The following CAMK2D variants were observed in gnomAD, a reference collection of about 807,000 sequenced individuals.
CAMK2D encodes calcium/calmodulin-dependent protein kinase type II subunit delta.
In CAMK2D, 37 loss-of-function variants were observed where a neutral mutation model predicts 84.0. The observed-to-expected ratio is 0.44, with a 90% CI of 0.34 to 0.58. The LOEUF (loss-of-function observed/expected upper bound fraction) is 0.58, where lower values mean the gene tolerates loss of function less well. Ranked by LOEUF, CAMK2D falls within the 20% of genes least tolerant of loss-of-function variation. The pLI, the probability that CAMK2D is intolerant of heterozygous loss-of-function variation, is 0.02. For synonymous variants in CAMK2D, 202 were observed against 212.5 expected (o/e 0.95, Z 0.43); for missense variants, 448 against 652.5 (o/e 0.69, Z 3.41).
intron 2 of CAMK2D, among the ~76,000 whole-genome samples, chr4:113,717,555 T>C (rs2099517399): frequency 6.6e-6 from 1 of 152,052 alleles, no homozygotes. Flanking sequence ...AAAAATAAAA[T>C]CTTTATCTCC....
chr4:113,634,499 A>C (rs1592254348), intron 3 of CAMK2D, among the ~76,000 whole-genome samples: 1 of 152,214 alleles, frequency 6.6e-6, no homozygotes, highest in East Asian at 1.9e-4. Flanking sequence ...GGAGAGGGAA[A>C]AAGCATTATT....
At chr4:113,495,833 T>G (rs776334684) in intron 16 of CAMK2D, among the ~76,000 whole-genome samples, 1 of 152,030 alleles carries the variant, frequency 6.6e-6, no homozygotes, top group African/African-American at 2.4e-5. Context: ...CAGCAAGAGA[T>G]CCAAGCTCGT....
At chr4:113,546,118 T>A (rs1325319142) in intron 6 of CAMK2D, among the ~76,000 whole-genome samples, 1 of 152,206 alleles carries the variant, frequency 6.6e-6, no homozygotes, top group African/African-American at 2.4e-5. Flanking sequence ...AGTCCACTTA[T>A]GGTTATATAA....
rs112811482 is a variant in CAMK2D at position 113,621,182 on chromosome 4, A to G, written c.221-11976T>C. Among the ~76,000 whole-genome samples, 741 of 152,290 alleles carry G rather than the reference A, an allele frequency of 4.9e-3. 6 individuals are homozygous for G. Among genetic ancestry groups the G allele is most frequent in the African/African-American group, 0.016 (657 of 41,560 alleles). On this transcript the variant is annotated intron_variant, in intron 3 of 20. Transcript: ENST00000511664. ...ATATGTCCTGTATTTATAGCATCTGAATTATTTAGAGAACAATCAATAGTT... is the reference window on the plus strand; with the variant it reads ...ATATGTCCTGTATTTATAGCATCTGGATTATTTAGAGAACAATCAATAGTT...
At chr4:113,598,551 A>C (rs1269569034) in intron 4 of CAMK2D, among the ~76,000 whole-genome samples, 1 of 152,228 alleles carries the variant, frequency 6.6e-6, no homozygotes, top group Non-Finnish European at 1.5e-5. Context: ...AAAAACTTAA[A>C]CTTAAAAACT....
intron 4 of CAMK2D, among the ~76,000 whole-genome samples, chr4:113,562,505 C>T (rs964664481): frequency 2.6e-5 from 4 of 152,142 alleles, no homozygotes; most frequent in African/African-American, 9.7e-5. Flanking sequence ...GACAGCTTAT[C>T]ATCTGTCAAA....
At chr4:113,661,648 T>C (rs2099232628) in intron 3 of CAMK2D, 65 bp downstream of exon 3, 2 of 691,696 alleles carry the variant, frequency 2.9e-6, no homozygotes, top group Non-Finnish European at 4.7e-6. Context: ...ATTAGCATTT[T>C]TATTGTGGTA....
At chr4:113,562,090 T>G (rs1438308621) in intron 4 of CAMK2D, among the ~76,000 whole-genome samples, 2 of 152,168 alleles carry the variant, frequency 1.3e-5, no homozygotes, top group African/African-American at 4.8e-5. Flanking sequence ...TTCAATGAAT[T>G]AAAAGAAAAA....
Position 113,549,466 on chromosome 4 carries a change from A to C in CAMK2D, c.342-1750T>G, listed in dbSNP as rs2098607773. ...CACTTCCATACACTTCAGTGAAGAA[A>C]AACTTTTGCTTCATACTATATCAAA... On this transcript the variant is annotated intron_variant, in intron 5 of 20. Transcript: ENST00000511664. Among the ~76,000 whole-genome samples, 4 of 152,204 alleles carry C rather than the reference A, an allele frequency of 2.6e-5. No homozygotes were observed. The South Asian group carries it at 8.3e-4, about 31-fold the overall frequency.
At chr4:113,529,136 C>T (rs974120316) in intron 8 of CAMK2D, among the ~76,000 whole-genome samples, 2 of 152,166 alleles carry the variant, frequency 1.3e-5, no homozygotes, top group Non-Finnish European at 2.9e-5. Context: ...ATTAAAGAGA[C>T]TGGGTTAGTA....
intron 8 of CAMK2D, among the ~76,000 whole-genome samples, chr4:113,521,028 CA>C (rs541654278): frequency 5.3e-4 from 81 of 152,244 alleles, no homozygotes; most frequent in Admixed American, 8.5e-4. Flanking sequence ...GACTCACAAA[CA>C]AACAAACAAA....
chr4:113,484,966 A>G (rs2097751585), intron 16 of CAMK2D, among the ~76,000 whole-genome samples: 1 of 152,240 alleles, frequency 6.6e-6, no homozygotes, highest in African/African-American at 2.4e-5. Context: ...ATATTATTAA[A>G]TGCATACGAT....
intron 4 of CAMK2D, among the ~76,000 whole-genome samples, chr4:113,553,633 C>T (rs2098644893): frequency 6.6e-6 from 1 of 152,064 alleles, no homozygotes; most frequent in African/African-American, 2.4e-5. Context: ...TTCTGGATAC[C>T]TCAAAGTCCT....
At chr4:113,555,805 A>G (rs1202686890) in intron 4 of CAMK2D, among the ~76,000 whole-genome samples, 1 of 152,096 alleles carries the variant, frequency 6.6e-6, no homozygotes, top group East Asian at 1.9e-4. Flanking sequence ...ATAGGTTAAA[A>G]TCCTAACTCC....
chr4:113,479,776 AAC>A lies in CAMK2D; in HGVS notation c.1136-14174_1136-14173del, dbSNP rs548594500. ...TCAGAAAATAGAAACGATGTTTAAA[AAC>A]ACACACACAGTTCTCTCTGGATTTA... On this transcript the variant is annotated intron_variant, in intron 16 of 20. Coordinates refer to ENST00000511664, the MANE Select transcript of CAMK2D (RefSeq NM_001321571.2). 5.3e-5 allele frequency among the ~76,000 whole-genome samples: 8 copies of A among 152,296 alleles called. No individual in the cohort carries two copies. In the East Asian group the frequency reaches 1.3e-3, roughly 26 times the overall value.
At position 113,592,273 on chromosome 4, in the gene CAMK2D, A is replaced by G. The variant is rs2098892473; in HGVS notation, c.275+16879T>C. On this transcript the variant is annotated intron_variant, in intron 4 of 20. Coordinates refer to ENST00000511664, the MANE Select transcript of CAMK2D (RefSeq NM_001321571.2). ...GAAATGGATGAGTGCATGGCAGAAA[A>G]TATCATCACATACTGAAGAAGCTGA... 1.3e-5 allele frequency among the ~76,000 whole-genome samples: 2 copies of G among 152,276 alleles called. 1 individual carries two copies. The highest frequency in any genetic ancestry group is 4.1e-4 in the South Asian group (2 of 4,826).
At chr4:113,463,946 C>A (rs2097424776) in intron 17 of CAMK2D, among the ~76,000 whole-genome samples, 2 of 152,198 alleles carry the variant, frequency 1.3e-5, no homozygotes, top group African/African-American at 4.8e-5. Context: ...TTGTTAAATT[C>A]TTATAAGTAG....
intron 16 of CAMK2D, among the ~76,000 whole-genome samples, chr4:113,484,208 C>T (rs1445151598): frequency 6.6e-6 from 1 of 152,170 alleles, no homozygotes; most frequent in Non-Finnish European, 1.5e-5. Flanking sequence ...AAGCCTCATC[C>T]CTTCTACCCA....
chr4:113,536,558 A>G (rs1157343215), intron 7 of CAMK2D, among the ~76,000 whole-genome samples: 1 of 152,242 alleles, frequency 6.6e-6, no homozygotes, highest in Admixed American at 6.5e-5. Context: ...ACACACCGAA[A>G]GTCAGAAGAC....
Sources: allele counts gnomAD v4.1 joint callset (sites outside exome capture counted in the v4.1 genomes callset), GRCh38; gene constraint gnomAD v4.1.1; transcripts MANE v1.5; gene names NCBI Gene and HGNC (gene_info 2026-07-23, HGNC 2026-07-21).